IGSF21: variants seen among roughly 807,000 people sequenced by gnomAD.
IGSF21 encodes the protein immunoglobin superfamily member 21.
In IGSF21, 28 loss-of-function variants were observed where a neutral mutation model predicts 46.8. The ratio of observed to expected loss-of-function variants is 0.60; its 90% CI spans 0.44 to 0.82. The LOEUF (loss-of-function observed/expected upper bound fraction) is 0.82, where lower values mean the gene tolerates loss of function less well. Ranked by LOEUF, IGSF21 falls within the 40% of genes least tolerant of loss-of-function variation. The pLI is 0.00. For synonymous variants in IGSF21, 284 were observed against 273.6 expected (o/e 1.04, Z -0.38); for missense variants, 624 against 665.5 (o/e 0.94, Z 0.69).
chr1:18,286,833 G>A (rs1031554243), intron 2 of IGSF21, among the ~76,000 whole-genome samples: 17 of 152,132 alleles, frequency 1.1e-4, no homozygotes, highest in Non-Finnish European at 2.2e-4. Context: ...GATATTTATC[G>A]AGCGAGTGCC....
chr1:18,244,586 G>A (rs935498184), intron 2 of IGSF21, among the ~76,000 whole-genome samples: 1 of 152,210 alleles, frequency 6.6e-6, no homozygotes, highest in African/African-American at 2.4e-5. Context: ...TGTGCCATAC[G>A]TAGAGCCTGT....
chr1:18,361,606 C>T (rs1331734178), intron 4 of IGSF21: 1 of 155,164 alleles, frequency 6.4e-6, no homozygotes, highest in Non-Finnish European at 1.4e-5. Context: ...CAAAAATAAT[C>T]CAGGCATGGT....
At chr1:18,240,531 C>G (rs1223477907) in intron 2 of IGSF21, among the ~76,000 whole-genome samples, 1 of 152,180 alleles carries the variant, frequency 6.6e-6, no homozygotes, top group East Asian at 1.9e-4. Flanking sequence ...TGGCAGTGAC[C>G]AGGTGTCCTG....
chr1:18,362,203 C>T lies in IGSF21; in HGVS notation c.513C>T (p.Ile171=), dbSNP rs1168474333. The T allele has an allele frequency of 4.3e-6, 7 of 1,612,816 alleles. No individual in the cohort carries two copies. The highest frequency in any genetic ancestry group is 2.2e-5 in the South Asian group (2 of 90,532). The change falls in exon 5 of 10, where the codon ATC becomes ATT. Residue 171 remains isoleucine (I), a synonymous_variant. Transcript: ENST00000251296. The part of the protein sequence containing the change: ...YQAQNFTLVC[I]VSGGKPAPMV... ...CCCAGAACTTCACGCTGGTCTGCATCGTGTCTGGAGGAAAACCAGCACCCA... is the reference window on the plus strand; with the variant it reads ...CCCAGAACTTCACGCTGGTCTGCATTGTGTCTGGAGGAAAACCAGCACCCA...
At chr1:18,122,201 T>G (rs867253423) in intron 1 of IGSF21, among the ~76,000 whole-genome samples, 1 of 127,244 alleles carries the variant, frequency 7.9e-6, no homozygotes, top group Non-Finnish European at 1.7e-5. Context: ...TTCTTTTTTT[T>G]TTTTTTTTTT....
intron 3 of IGSF21, among the ~76,000 whole-genome samples, chr1:18,317,466 C>T (rs940362447): frequency 2.0e-5 from 3 of 152,218 alleles, no homozygotes; most frequent in Non-Finnish European, 4.4e-5. Context: ...CTAAGCCACA[C>T]TCCTCTCCAT....
At position 18,181,708 on chromosome 1, in the gene IGSF21, T is replaced by C. The variant is rs143899916; in HGVS notation, c.71-46190T>C. Among the ~76,000 whole-genome samples, 400 of 152,236 alleles carry C rather than the reference T, an allele frequency of 2.6e-3. 3 individuals are homozygous for C. The highest frequency in any genetic ancestry group is 9.1e-3 in the African/African-American group (379 of 41,542). On this transcript the variant is annotated intron_variant, in intron 1 of 9. Coordinates refer to ENST00000251296, the MANE Select transcript of IGSF21 (RefSeq NM_032880.5). Reference sequence around the variant, plus strand: ...GGGAACAGGGGAGGCCTTCTGAATATAGTGACTCTTCTCCCAGCTCCCAGA... The same window carrying C: ...GGGAACAGGGGAGGCCTTCTGAATACAGTGACTCTTCTCCCAGCTCCCAGA...
At chr1:18,310,983 C>A (rs1411416668) in intron 3 of IGSF21, among the ~76,000 whole-genome samples, 1 of 152,198 alleles carries the variant, frequency 6.6e-6, no homozygotes, top group Non-Finnish European at 1.5e-5. Context: ...CCACCCAACT[C>A]CAGCCTGACT....
At chr1:18,367,636 G>A (rs56270559) in intron 6 of IGSF21, among the ~76,000 whole-genome samples, 68,976 of 125,988 alleles carry the variant, frequency 0.55, 19,221 homozygotes, top group Non-Finnish European at 0.62. Flanking sequence ...GACAGAGTCT[G>A]GCTCTGTCAC....
intron 3 of IGSF21, among the ~76,000 whole-genome samples, chr1:18,306,204 C>T (rs1048047633): frequency 2.6e-5 from 4 of 152,200 alleles, no homozygotes; most frequent in African/African-American, 4.8e-5. Context: ...TCATCTCCTA[C>T]CCTCTCCCTC....
chr1:18,188,306 G>A (rs16861683), intron 1 of IGSF21, among the ~76,000 whole-genome samples: 6,034 of 152,244 alleles, frequency 0.04, 408 homozygotes, highest in African/African-American at 0.14. Flanking sequence ...CTCAAGCCAT[G>A]AAATATAACC....
intron 4 of IGSF21, among the ~76,000 whole-genome samples, chr1:18,353,741 G>A (rs2085984837): frequency 6.6e-6 from 1 of 152,200 alleles, no homozygotes; most frequent in African/African-American, 2.4e-5. Flanking sequence ...CCCTGTGGCT[G>A]GAAAGAGCTG....
At chr1:18,203,554 C>T (rs2087098111) in intron 1 of IGSF21, among the ~76,000 whole-genome samples, 1 of 152,188 alleles carries the variant, frequency 6.6e-6, no homozygotes, top group Non-Finnish European at 1.5e-5. Context: ...AGTGATCTGC[C>T]CGCCTCAGCT....
At chr1:18,147,044 G>A (rs2086476842) in intron 1 of IGSF21, among the ~76,000 whole-genome samples, 1 of 152,124 alleles carries the variant, frequency 6.6e-6, no homozygotes, top group Non-Finnish European at 1.5e-5. Context: ...TCCTGCATCT[G>A]GATGACGCTT....
chr1:18,246,152 G>A (rs2084781293), intron 2 of IGSF21, among the ~76,000 whole-genome samples: 1 of 152,138 alleles, frequency 6.6e-6, no homozygotes, highest in Non-Finnish European at 1.5e-5. Context: ...CAGCTCTGGG[G>A]GGTGTGAGAT....
At chr1:18,141,266 G>T (rs2086413445) in intron 1 of IGSF21, among the ~76,000 whole-genome samples, 1 of 152,178 alleles carries the variant, frequency 6.6e-6, no homozygotes, top group African/African-American at 2.4e-5. Flanking sequence ...ACCTTGCTTT[G>T]TCTTGTTTCT....
intron 4 of IGSF21, chr1:18,361,481 C>T (rs1051430351): frequency 1.3e-5 from 2 of 152,396 alleles, no homozygotes; most frequent in African/African-American, 4.8e-5. Context: ...GTCATAATCC[C>T]CCTGACAGCA....
intron 1 of IGSF21, among the ~76,000 whole-genome samples, chr1:18,139,057 C>T (rs1337302970): frequency 6.6e-6 from 1 of 152,182 alleles, no homozygotes; most frequent in African/African-American, 2.4e-5. Flanking sequence ...GCTGCTGGTG[C>T]AGGAGCGCTC....
intron 4 of IGSF21, among the ~76,000 whole-genome samples, chr1:18,356,406 A>G (rs576525252): frequency 1.3e-5 from 2 of 152,356 alleles, no homozygotes; most frequent in South Asian, 4.1e-4. Flanking sequence ...AGGTGATAAC[A>G]GAAGAGTGGG....
Sources: gnomAD v4.1 joint callset for allele counts (sites outside exome capture counted in the v4.1 genomes callset) on GRCh38, gnomAD v4.1.1 for gene constraint, MANE v1.5 for transcripts, NCBI Gene and HGNC (gene_info 2026-07-23, HGNC 2026-07-21) for gene names.